Variants in GPX2 observed in about 807,000 individuals in gnomAD.
GPX2 encodes the protein glutathione peroxidase 2, also known as gastrointestinal glutathione peroxidase.
GPX2 carries 21 observed loss-of-function variants against 14.1 expected under a neutral mutation model. The observed-to-expected ratio is 1.48, with a 90% CI of 1.05 to 2.14. The LOEUF (loss-of-function observed/expected upper bound fraction) is 2.14. GPX2 is among the 30% of genes most tolerant of loss of function. The pLI, the probability that GPX2 is intolerant of heterozygous loss-of-function variation, is 0.00. For missense variants in GPX2, 241 were observed against 249.8 expected (o/e 0.96, Z 0.24); for synonymous variants, 94 against 95.2 (o/e 0.99, Z 0.07).
Position 64,939,551 on chromosome 14 carries a change from GC to G in GPX2, c.509del (p.Ser170ThrfsTer?). On this transcript the variant is annotated frameshift_variant, in exon 2 of 2. Coordinates refer to ENST00000389614, the MANE Select transcript of GPX2 (RefSeq NM_002083.4). LOFTEE classifies it high-confidence loss of function. The surrounding 1 kb of genome is among the most constrained non-coding windows in gnomAD (Gnocchi z 5.7). Reference sequence around the variant, plus strand: ...CAATGTTGATGGTTGGGAAGGTGCGGCTGTAGCGTCGGAAGGGCTCTCCCTC... The same window carrying G: ...CAATGTTGATGGTTGGGAAGGTGCGGTGTAGCGTCGGAAGGGCTCTCCCTC... ...GPEGEPFRRYSRTFPTINIEP... is the reference protein window; with the variant it reads ...GPEGEPFRRYXRTFPTINIEP... The G allele has an allele frequency of 6.2e-7, 1 of 1,614,180 alleles. No individual in the cohort carries two copies. The highest frequency in any genetic ancestry group is 1.3e-5 in the African/African-American group (1 of 75,038).
chr14:64,941,389 A>G (rs768846529), intron 1 of GPX2: 11 of 1,283,568 alleles, frequency 8.6e-6, no homozygotes, highest in Non-Finnish European at 1.1e-5. Flanking sequence ...TCTTGATACA[A>G]ATGGCTGGCT....
rs1885534399 is a variant in GPX2 at position 64,939,927 on chromosome 14, C to G, written c.223-89G>C. 6.6e-7 allele frequency: 1 copy of G among 1,508,038 alleles called. No individual in the cohort carries two copies. Among genetic ancestry groups the G allele is most frequent in the African/African-American group, 1.4e-5 (1 of 71,708 alleles). The allele number at this position is 1,508,038 out of a possible 1,614,324, so 93.4% of individuals were successfully genotyped here. ...GAAACTCTTTCACCCTCCTACACTC[C>G]CTCCCCAGGGTCATTCTTTTTCACT... On this transcript the variant is annotated intron_variant, in intron 1 of 1. Transcript: ENST00000389614. This position sits in a 1 kb window ranked among gnomAD's most constrained non-coding sequence, Gnocchi z 5.7.
At chr14:64,941,274 C>T in intron 1 of GPX2, 4 of 901,018 alleles carry the variant, frequency 4.4e-6, no homozygotes, top group Non-Finnish European at 5.7e-6. Flanking sequence ...CACCATGTTG[C>T]TCAGGCTAAT....
chr14:64,939,995 C>A lies in GPX2; in HGVS notation c.223-157G>T. 1 of 1,471,516 alleles carries A rather than the reference C, an allele frequency of 6.8e-7. No individual in the cohort carries two copies. Among genetic ancestry groups the A allele is most frequent in the Non-Finnish European group, 8.9e-7 (1 of 1,121,244 alleles). The allele number at this position is 1,471,516 out of a possible 1,614,324, so 91.2% of individuals were successfully genotyped here. Reference sequence around the variant, plus strand: ...AAGACAGACGAGGTGTTGCTCACTGCAGCCTTGAACTTCTGGGCTCAAGCA... The same window carrying A: ...AAGACAGACGAGGTGTTGCTCACTGAAGCCTTGAACTTCTGGGCTCAAGCA... On this transcript the variant is annotated intron_variant, in intron 1 of 1. Coordinates refer to ENST00000389614, the MANE Select transcript of GPX2 (RefSeq NM_002083.4). This position sits in a 1 kb window ranked among gnomAD's most constrained non-coding sequence, Gnocchi z 5.7.
intron 1 of GPX2, chr14:64,941,516 T>A (rs1450511848): frequency 7.8e-7 from 1 of 1,288,180 alleles, no homozygotes; most frequent in South Asian, 1.2e-5. Flanking sequence ...GCTACTTCTG[T>A]CTCTCCTGCT....
chr14:64,941,027 A>C (rs949339592), intron 1 of GPX2, among the ~76,000 whole-genome samples: 1 of 152,176 alleles, frequency 6.6e-6, no homozygotes, highest in Non-Finnish European at 1.5e-5. Flanking sequence ...TCATGACATC[A>C]TGAGCCCAGA....
intron 1 of GPX2, 83 bp downstream of exon 1, chr14:64,942,422 A>G (rs1294239600): frequency 1.9e-6 from 2 of 1,079,048 alleles, no homozygotes; most frequent in African/African-American, 1.6e-5. Context: ...ACTCCAAAAC[A>G]TGGTCATTCA....
rs1396332064 is a variant in GPX2 at position 64,942,557 on chromosome 14, A to G, written c.170T>C (p.Phe57Ser). 3 of 1,614,088 alleles carry G rather than the reference A, an allele frequency of 1.9e-6. No individual in the cohort carries two copies. The highest frequency in any genetic ancestry group is 2.5e-6 in the Non-Finnish European group (3 of 1,180,042). ...FTQLNELQCR[F>S]PRRLVVLGFP... ...GCCAAGGACCACCAGGCGCCTGGGA[A>G]AGCGGCATTGCAGCTCGTTGAGCTG... The change falls in exon 1 of 2, where the codon TTT becomes TCT. Residue 57 changes from phenylalanine to serine, a missense_variant. Physicochemically the swap from Phe to Ser is radical, Grantham distance 155. Transcript: ENST00000389614.
In GPX2 at chr14:64,939,628, C is replaced by G; in HGVS notation, c.433G>C (p.Val145Leu). ...TDPKLIIWSP[V>L]RRSDVAWNFE... ...TTCCAGGCCACATCTGAGCGGCGCACAGGGCTCCAAATGATGAGCTTGGGA... is the reference window on the plus strand; with the variant it reads ...TTCCAGGCCACATCTGAGCGGCGCAGAGGGCTCCAAATGATGAGCTTGGGA... Residue 145 changes from valine (V) to leucine (L), a missense_variant, in exon 2 of 2, where the codon GTG (valine) becomes CTG (leucine). By Grantham distance (32) the Val-to-Leu change is conservative. Transcript: ENST00000389614. This position sits in a 1 kb window ranked among gnomAD's most constrained non-coding sequence, Gnocchi z 5.7. 6.2e-7 allele frequency: 1 copy of G among 1,614,144 alleles called. No individual in the cohort carries two copies. The highest frequency in any genetic ancestry group is 8.5e-7 in the Non-Finnish European group (1 of 1,180,020).
Position 64,939,191 on chromosome 14 carries a change from C to A in GPX2, c.*297G>T. The A allele has an allele frequency of 2.7e-6, 1 of 366,930 alleles. No homozygotes were observed. The highest frequency in any genetic ancestry group is 3.2e-5 in the South Asian group (1 of 31,714). 22.7% of individuals were successfully genotyped at this position (366,930 alleles called of 1,614,324 possible). A position where few individuals can be genotyped will look rare whatever the true frequency, so the allele number is the denominator to read the frequency against. ...CCTGCCCTTTATTGGTCTCTTCTAG[C>A]AGAGTGGCTCCAGGCCCTTCACGCC... On this transcript the variant is annotated 3_prime_UTR_variant, in exon 2 of 2. Transcript: ENST00000389614. This position sits in a 1 kb window ranked among gnomAD's most constrained non-coding sequence, Gnocchi z 5.7.
chr14:64,940,348 C>A lies in GPX2; in HGVS notation c.223-510G>T. On this transcript the variant is annotated intron_variant, in intron 1 of 1. Transcript: ENST00000389614. This position sits in a 1 kb window ranked among gnomAD's most constrained non-coding sequence, Gnocchi z 4.5. Reference sequence around the variant, plus strand: ...TTTCCTCTGCCCTGGTTTTGCCTCGCCTGCTTTCAATTGCACGTGTGTTGA... The same window carrying A: ...TTTCCTCTGCCCTGGTTTTGCCTCGACTGCTTTCAATTGCACGTGTGTTGA... 2 of 471,914 alleles carry A rather than the reference C, an allele frequency of 4.2e-6. No individual in the cohort carries two copies. Among genetic ancestry groups the A allele is most frequent in the South Asian group, 1.6e-5 (1 of 63,390 alleles). 29.2% of individuals were successfully genotyped at this position (471,914 alleles called of 1,614,324 possible). A position where few individuals can be genotyped will look rare whatever the true frequency, so the allele number is the denominator to read the frequency against.
At position 64,939,615 on chromosome 14, in the gene GPX2, T is replaced by C. The variant is rs750272372; in HGVS notation, c.446A>G (p.Asp149Gly). The C allele has an allele frequency of 1.3e-5, 21 of 1,614,008 alleles. No individual in the cohort carries two copies. The highest frequency in any genetic ancestry group is 1.6e-5 in the Non-Finnish European group (19 of 1,180,016). ...GAACTTCTCAAAGTTCCAGGCCACA[T>C]CTGAGCGGCGCACAGGGCTCCAAAT... ...LIIWSPVRRSDVAWNFEKFLI... is the reference protein window; with the variant it reads ...LIIWSPVRRSGVAWNFEKFLI... The change falls in exon 2 of 2, where the codon GAT (aspartate) becomes GGT (glycine). Residue 149 changes from aspartate (D) to glycine (G), a missense_variant. Asp to Gly is a moderately conservative substitution (Grantham distance 94). Transcript: ENST00000389614. The surrounding 1 kb of genome is among the most constrained non-coding windows in gnomAD (Gnocchi z 5.7).
At position 64,939,725 on chromosome 14, in the gene GPX2, C is replaced by G. The variant is rs945934999; in HGVS notation, c.336G>C (p.Glu112Asp). ...CCTTCAGGTAGGCGAAGACAGGATG[C>G]TCGTTCTGCCCATTCACCTCACATT... ...VQKCEVNGQNEHPVFAYLKDK... is the reference protein window; with the variant it reads ...VQKCEVNGQNDHPVFAYLKDK... Residue 112 changes from glutamate to aspartate, a missense_variant, in exon 2 of 2, where the codon GAG becomes GAC. Physicochemically the swap from Glu to Asp is conservative, Grantham distance 45. Transcript: ENST00000389614. This position sits in a 1 kb window ranked among gnomAD's most constrained non-coding sequence, Gnocchi z 5.7. The G allele has an allele frequency of 1.2e-6, 2 of 1,613,980 alleles. No homozygotes were observed. Among genetic ancestry groups the G allele is most frequent in the African/African-American group, 2.7e-5 (2 of 74,864 alleles).
At chr14:64,941,751 A>G (rs1282122482) in intron 1 of GPX2, among the ~76,000 whole-genome samples, 3 of 152,292 alleles carry the variant, frequency 2.0e-5, no homozygotes, top group Non-Finnish European at 2.9e-5. Context: ...AAGAATCCCT[A>G]AAAGAGAACT....
At chr14:64,941,380 C>A in intron 1 of GPX2, 1 of 1,281,090 alleles carries the variant, frequency 7.8e-7, no homozygotes, top group South Asian at 1.2e-5. Flanking sequence ...ATTTCTATTT[C>A]TTGATACAAA....
Position 64,939,605 on chromosome 14 carries a change from C to G in GPX2, c.456G>C (p.Trp152Cys), listed in dbSNP as rs1443677131. ...GCCCTATGAGGAACTTCTCAAAGTT[C>G]CAGGCCACATCTGAGCGGCGCACAG... ...WSPVRRSDVA[W>C]NFEKFLIGPE... The change falls in exon 2 of 2, where the codon TGG (tryptophan) becomes TGC (cysteine). Residue 152 changes from tryptophan to cysteine, a missense_variant. Trp to Cys is a radical substitution (Grantham distance 215). Transcript: ENST00000389614. The surrounding 1 kb of genome is among the most constrained non-coding windows in gnomAD (Gnocchi z 5.7). The G allele has an allele frequency of 1.2e-5, 19 of 1,614,016 alleles. No individual in the cohort carries two copies. Among genetic ancestry groups the G allele is most frequent in the Non-Finnish European group, 1.5e-5 (18 of 1,180,032 alleles).
In GPX2 at chr14:64,940,233, G is replaced by C; in HGVS notation, c.223-395C>G. 7.9e-7 allele frequency: 1 copy of C among 1,263,662 alleles called. No individual in the cohort carries two copies. The highest frequency in any genetic ancestry group is 1.0e-6 in the Non-Finnish European group (1 of 964,028). 78.3% of individuals were successfully genotyped at this position (1,263,662 alleles called of 1,614,324 possible). A position where few individuals can be genotyped will look rare whatever the true frequency, so the allele number is the denominator to read the frequency against. On this transcript the variant is annotated intron_variant, in intron 1 of 1. Coordinates refer to ENST00000389614, the MANE Select transcript of GPX2 (RefSeq NM_002083.4). The surrounding 1 kb of genome is among the most constrained non-coding windows in gnomAD (Gnocchi z 4.5). ...TTTGAAGCAGAAGAAAGAGAAAAGA[G>C]GCTTAGGTTATACTGCTTAGAACCT...
chr14:64,942,670 C>T lies in GPX2; in HGVS notation c.57G>A (p.Glu19=), dbSNP rs1397971661. 6.2e-7 allele frequency: 1 copy of T among 1,614,246 alleles called. No homozygotes were observed. Among genetic ancestry groups the T allele is most frequent in the Admixed American group, 1.7e-5 (1 of 60,026 alleles). The change falls in exon 1 of 2, where the codon GAG becomes GAA. Residue 19 remains glutamate, a synonymous_variant. Transcript: ENST00000389614. The stretch of plus-strand genomic sequence containing the variant: ...CCCGGAACGTATTGAAATCTACCTT[C>T]TCCCCATCCAGGCTGATGGCACTGA... ...YDLSAISLDG[E]KVDFNTFRGR... is the part of the protein sequence containing the mutation.
intron 1 of GPX2, chr14:64,941,455 G>A (rs558915043): frequency 1.5e-5 from 19 of 1,288,766 alleles, no homozygotes; most frequent in Non-Finnish European, 1.9e-5. Context: ...AAGAGATGGT[G>A]TGAGGCTGGA....
Sources: gnomAD v4.1 joint callset for allele counts (sites outside exome capture counted in the v4.1 genomes callset) on GRCh38, gnomAD v4.1.1 for gene constraint, Gnocchi (gnomAD v3.1) non-coding constraint, MANE v1.5 for transcripts, NCBI Gene and HGNC (gene_info 2026-07-23, HGNC 2026-07-21) for gene names.